The following STXBP3 variants were observed in gnomAD, a reference collection of about 807,000 sequenced individuals.
The protein encoded by STXBP3 is syntaxin binding protein 3.
STXBP3 carries 41 observed loss-of-function variants against 85.7 expected under a neutral mutation model. The observed-to-expected ratio is 0.48, with a 90% CI of 0.37 to 0.62. The LOEUF is 0.62. Ranked by LOEUF, STXBP3 falls within the 20% of genes least tolerant of loss-of-function variation. The pLI is 0.00. For missense variants in STXBP3, 563 were observed against 703.1 expected, an observed-to-expected ratio of 0.80 and a Z score of 2.25; for synonymous variants, 229 against 231.7, an observed-to-expected ratio of 0.99 and a Z score of 0.10.
At chr1:108,794,261 A>G (rs572653798) in intron 12 of STXBP3, among the ~76,000 whole-genome samples, 15 of 152,270 alleles carry the variant, frequency 9.9e-5, no homozygotes, top group East Asian at 1.9e-4. Context: ...CTGTCTGTTG[A>G]TTGCCTCCTG....
rs1365704739 is a variant in STXBP3, at chr1:108,771,625, T to C, written c.439-1040T>C. 3.1e-5 allele frequency among the ~76,000 whole-genome samples: 2 copies of C among 65,104 alleles called. 1 individual carries two copies. Among genetic ancestry groups the C allele is most frequent in the Non-Finnish European group, 5.4e-5 (2 of 37,360 alleles). 42.7% of individuals were successfully genotyped at this position (65,104 alleles called of 152,430 possible). On this transcript the variant is annotated intron_variant, in intron 6 of 18. Coordinates refer to ENST00000370008, the MANE Select transcript of STXBP3 (RefSeq NM_007269.4). ...TAAATATATATGATATATATCTATA[T>C]ATCATATATAAATATATATGATATA...
chr1:108,753,851 C>G (rs1661960941), intron 3 of STXBP3, among the ~76,000 whole-genome samples: 1 of 151,988 alleles, frequency 6.6e-6, no homozygotes. Flanking sequence ...GATAAATACT[C>G]TCATTTGTAA....
rs572721756 is a variant in STXBP3, at chr1:108,756,052, T to C, written c.182-638T>C. 2.6e-5 allele frequency among the ~76,000 whole-genome samples: 4 copies of C among 152,328 alleles called. No homozygotes were observed. In the East Asian group the frequency reaches 5.8e-4, roughly 22 times the overall value. On this transcript the variant is annotated intron_variant, in intron 3 of 18. Transcript: ENST00000370008. ...TACTTTAAATTAGTTTTAAGAAATATATATGTAGCTTTAAATAGTTAATTT... is the reference window on the plus strand; with the variant it reads ...TACTTTAAATTAGTTTTAAGAAATACATATGTAGCTTTAAATAGTTAATTT...
At chr1:108,805,523 C>A (rs928329350) in intron 17 of STXBP3, among the ~76,000 whole-genome samples, 2 of 149,670 alleles carry the variant, frequency 1.3e-5, no homozygotes, top group African/African-American at 4.9e-5. Flanking sequence ...CTCCCAGGTT[C>A]AAGCGATTCT....
intron 17 of STXBP3, among the ~76,000 whole-genome samples, chr1:108,806,845 A>G (rs768911992): frequency 1.5e-4 from 23 of 151,304 alleles, no homozygotes; most frequent in Non-Finnish European, 2.4e-4. Flanking sequence ...GCTCTACTCT[A>G]TATGTTAAAA....
intron 7 of STXBP3, 101 bp from the exon 8 acceptor site, chr1:108,776,232 C>A: frequency 2.9e-6 from 2 of 682,184 alleles, no homozygotes; most frequent in Non-Finnish European, 2.1e-6. Context: ...ATTTTGTAAA[C>A]ATTTTTTAAA....
chr1:108,786,327 A>G (rs1402887662), intron 11 of STXBP3, among the ~76,000 whole-genome samples: 2 of 152,122 alleles, frequency 1.3e-5, no homozygotes, highest in Non-Finnish European at 2.9e-5. Context: ...CAAGAACAGC[A>G]TGGGGGAAAC....
chr1:108,798,540 C>G (rs1347338058), intron 16 of STXBP3, among the ~76,000 whole-genome samples: 2 of 151,542 alleles, frequency 1.3e-5, no homozygotes, highest in South Asian at 4.2e-4. Context: ...CTCAGCCTCC[C>G]GAGTAGCTGG....
intron 8 of STXBP3, 108 bp downstream of exon 8, chr1:108,776,531 A>G: frequency 1.4e-6 from 1 of 707,056 alleles, no homozygotes; most frequent in Non-Finnish European, 2.3e-6. Flanking sequence ...GGAGTCATTA[A>G]CATAGATCTC....
At chr1:108,800,638 C>T (rs2101136371) in intron 17 of STXBP3, among the ~76,000 whole-genome samples, 1 of 152,238 alleles carries the variant, frequency 6.6e-6, no homozygotes, top group South Asian at 2.1e-4. Flanking sequence ...TACCCTTATG[C>T]CCAGTGCCCA....
intron 9 of STXBP3, 199 bp downstream of exon 9, chr1:108,779,609 C>A: frequency 2.1e-6 from 1 of 478,610 alleles, no homozygotes; most frequent in Non-Finnish European, 3.2e-6. Flanking sequence ...AATTTGATTG[C>A]TTTGGAGCAT....
At chr1:108,807,607 G>A (rs1482018548) in intron 18 of STXBP3, 58 bp downstream of exon 18, 56 of 1,503,486 alleles carry the variant, frequency 3.7e-5, no homozygotes, top group African/African-American at 4.5e-5. Context: ...ACTAAGTCTC[G>A]GTCTTGTCCC....
At chr1:108,796,461 T>A in intron 14 of STXBP3, 89 bp downstream of exon 14, 1 of 1,225,828 alleles carries the variant, frequency 8.2e-7, no homozygotes, top group Non-Finnish European at 1.1e-6. Flanking sequence ...TGAACTTGGT[T>A]AAGATAAAAG....
At chr1:108,808,109 T>C (rs568183079) in intron 18 of STXBP3, among the ~76,000 whole-genome samples, 1 of 152,234 alleles carries the variant, frequency 6.6e-6, no homozygotes, top group African/African-American at 2.4e-5. Context: ...TGTACGTTTG[T>C]TTAACCATTA....
At position 108,798,146 on chromosome 1, in the gene STXBP3, C is replaced by A; in HGVS notation, c.1358C>A (p.Ser453Tyr). 6.2e-7 allele frequency: 1 copy of A among 1,600,914 alleles called. No individual in the cohort carries two copies. Among genetic ancestry groups the A allele is most frequent in the Non-Finnish European group, 8.5e-7 (1 of 1,175,616 alleles). The change falls in exon 16 of 19, where the codon TCT becomes TAT. Residue 453 changes from serine (S) to tyrosine (Y), a missense_variant and splice_region_variant. Transcript: ENST00000370008. The stretch of plus-strand genomic sequence containing the variant: ...ATTTTTTTCCTCTAATTGTATTAGT[C>A]TCAACAAGGCAAACCGTTAAGAAAG... ...SYLGVPIVPQ[S>Y]QQGKPLRKDR...
intron 11 of STXBP3, among the ~76,000 whole-genome samples, chr1:108,785,411 C>A (rs868158784): frequency 2.0e-5 from 3 of 152,280 alleles, no homozygotes; most frequent in Middle Eastern, 3.4e-3. Context: ...CCCCTTTTAG[C>A]CACAGCTGGG....
intron 11 of STXBP3, among the ~76,000 whole-genome samples, chr1:108,784,428 A>G (rs1173419900): frequency 2.0e-5 from 3 of 152,224 alleles, no homozygotes; most frequent in African/African-American, 7.2e-5. Flanking sequence ...TAAAACCATC[A>G]GATTTTGTGT....
chr1:108,776,213 T>C, intron 7 of STXBP3, 120 bp from the exon 8 acceptor site: 2 of 560,736 alleles, frequency 3.6e-6, no homozygotes, highest in Non-Finnish European at 2.8e-6. Context: ...GTTTATAAAA[T>C]AATTTTTCAT....
intron 6 of STXBP3, among the ~76,000 whole-genome samples, chr1:108,767,789 G>T (rs184240748): frequency 1.3e-5 from 2 of 152,060 alleles, no homozygotes; most frequent in East Asian, 3.9e-4. Flanking sequence ...GTCTTGCTAT[G>T]TTGCCCAGGA....
Sources: allele counts gnomAD v4.1 joint callset (sites outside exome capture counted in the v4.1 genomes callset), GRCh38; gene constraint gnomAD v4.1.1; transcripts MANE v1.5; gene names NCBI Gene and HGNC (gene_info 2026-07-23, HGNC 2026-07-21).